The following BBS9 variants were observed in gnomAD, a reference collection of about 807,000 sequenced individuals.
BBS9 encodes the protein Bardet-Biedl syndrome 9.
Under a neutral mutation model 117.7 loss-of-function variants are expected in BBS9, and 89 were observed. The ratio of observed to expected loss-of-function variants is 0.76; its 90% CI spans 0.64 to 0.90. The LOEUF is 0.90. BBS9 is among the 40% of genes least tolerant of loss of function. BBS9 has a pLI of 0.00. For synonymous variants in BBS9, 379 were observed against 370.9 expected, an observed-to-expected ratio of 1.02 and a Z score of -0.25; for missense variants, 982 against 1,042.2, an observed-to-expected ratio of 0.94 and a Z score of 0.80.
At chr7:33,290,691 G>A (rs913509790) in intron 9 of BBS9, among the ~76,000 whole-genome samples, 1 of 152,196 alleles carries the variant, frequency 6.6e-6, no homozygotes, top group African/African-American at 2.4e-5. Context: ...GTAATGCCCA[G>A]GCAGACATAC....
At chr7:33,526,724 G>A (rs898886852) in intron 20 of BBS9, among the ~76,000 whole-genome samples, 8 of 149,294 alleles carry the variant, frequency 5.4e-5, no homozygotes, top group African/African-American at 9.9e-5. Context: ...TAATTTGATC[G>A]TCTGAAGCCT....
chr7:33,152,597 T>C (rs1200812563), intron 2 of BBS9, 104 bp from the exon 3 acceptor site: 2 of 1,145,598 alleles, frequency 1.7e-6, no homozygotes, highest in Non-Finnish European at 2.5e-6. Flanking sequence ...ACTGAATTCT[T>C]TTAATTTTTA....
chr7:33,208,963 A>C (rs1029423264), intron 5 of BBS9, among the ~76,000 whole-genome samples: 1 of 151,820 alleles, frequency 6.6e-6, no homozygotes, highest in Non-Finnish European at 1.5e-5. Context: ...ATCCAATTAG[A>C]CTCTTTTAGT....
At chr7:33,563,951 G>A (rs1020519) in intron 21 of BBS9, among the ~76,000 whole-genome samples, 34,942 of 152,036 alleles carry the variant, frequency 0.23, 4,516 homozygotes, top group East Asian at 0.42. Context: ...TATTGCTGCC[G>A]ATAAGACCAC....
intron 21 of BBS9, among the ~76,000 whole-genome samples, chr7:33,578,028 GT>G (rs755598012): frequency 6.6e-6 from 1 of 152,164 alleles, no homozygotes; most frequent in Non-Finnish European, 1.5e-5. Context: ...TTGTGCACAT[GT>G]ACCCTAGAAC....
chr7:33,379,952 A>G lies in BBS9; in HGVS notation c.1790-3714A>G, dbSNP rs572112052. 7 of 152,524 alleles carry G rather than the reference A, an allele frequency of 4.6e-5. No individual in the cohort carries two copies. The South Asian group carries it at 8.3e-4, about 18-fold the overall frequency. 9.4% of individuals were successfully genotyped at this position (152,524 alleles called of 1,614,324 possible). ...TGGCAGGTATTCCTGCAGGATCTCC[A>G]TAGGAATTCACAAGAAGGGCTCTGA... On this transcript the variant is annotated intron_variant, in intron 17 of 22. Transcript: ENST00000242067.
At chr7:33,627,383 C>CT (rs1179452336) in intron 21 of BBS9, among the ~76,000 whole-genome samples, 2 of 152,190 alleles carry the variant, frequency 1.3e-5, no homozygotes, top group African/African-American at 2.4e-5. Context: ...GGGCAGAGCC[C>CT]TTATGGAGAA....
rs548289269 is a variant in BBS9, at chr7:33,163,586, C to A, written c.328+7884C>A. On this transcript the variant is annotated intron_variant, in intron 4 of 22. Coordinates refer to ENST00000242067, the MANE Select transcript of BBS9 (RefSeq NM_198428.3). Reference sequence around the variant, plus strand: ...GGGTGTATGTGTCCAGGAATTTATCCATTTCTTCTAGATTTTCTAGTTTTT... The same window carrying A: ...GGGTGTATGTGTCCAGGAATTTATCAATTTCTTCTAGATTTTCTAGTTTTT... Among the ~76,000 whole-genome samples, 8 of 152,274 alleles carry A rather than the reference C, an allele frequency of 5.3e-5. No individual in the cohort carries two copies. In the South Asian group the frequency reaches 1.7e-3, roughly 32 times the overall value.
intron 21 of BBS9, among the ~76,000 whole-genome samples, chr7:33,575,327 G>A (rs917109025): frequency 1.3e-5 from 2 of 151,814 alleles, no homozygotes; most frequent in East Asian, 3.9e-4. Flanking sequence ...TGTCCTCTTG[G>A]TACACATACA....
At chr7:33,323,196 T>C (rs948959424) in intron 9 of BBS9, among the ~76,000 whole-genome samples, 1 of 152,130 alleles carries the variant, frequency 6.6e-6, no homozygotes, top group African/African-American at 2.4e-5. Flanking sequence ...CTGAAGAAAA[T>C]GTGTATTCTG....
chr7:33,390,602 T>TG, intron 19 of BBS9: 2 of 971,082 alleles, frequency 2.1e-6, no homozygotes, highest in Non-Finnish European at 2.4e-6. Flanking sequence ...GGTGAGGTGT[T>TG]GATTGTTCAA....
chr7:33,485,354 G>C (rs6966543), intron 19 of BBS9, among the ~76,000 whole-genome samples: 14,243 of 143,258 alleles, frequency 0.099, 1,060 homozygotes, highest in African/African-American at 0.22. Flanking sequence ...CTGTTGCCCA[G>C]GCTGGAGTGC....
intron 12 of BBS9, among the ~76,000 whole-genome samples, chr7:33,347,956 C>T (rs192956918): frequency 4.0e-5 from 6 of 151,854 alleles, no homozygotes; most frequent in East Asian, 1.9e-4. Context: ...TCATGACATA[C>T]GAGTCACCAT....
intron 9 of BBS9, among the ~76,000 whole-genome samples, chr7:33,292,030 A>C (rs1470460377): frequency 6.6e-6 from 1 of 152,050 alleles, no homozygotes; most frequent in Non-Finnish European, 1.5e-5. Context: ...CAGTTTCTTC[A>C]TGCTTGGCAA....
In BBS9 at chr7:33,540,803, C is replaced by T. The variant is rs75363563; in HGVS notation, c.2521+6627C>T. 4.9e-4 allele frequency among the ~76,000 whole-genome samples: 75 copies of T among 152,270 alleles called. No individual in the cohort carries two copies. In the East Asian group the frequency reaches 0.013, roughly 26 times the overall value. Reference sequence around the variant, plus strand: ...TCCTTTGCAGGACTGCAGAAATGTGCGCAGCTGTTTTTTGGATTCTCTCCC... The same window carrying T: ...TCCTTTGCAGGACTGCAGAAATGTGTGCAGCTGTTTTTTGGATTCTCTCCC... On this transcript the variant is annotated intron_variant, in intron 21 of 22. Coordinates refer to ENST00000242067, the MANE Select transcript of BBS9 (RefSeq NM_198428.3).
In BBS9 at chr7:33,632,712, G is replaced by C. The variant is rs115179446; in HGVS notation, c.2522-2465G>C. ...CCTCCCGCCAGTCTCCGCAGTAAAG[G>C]AAGACAATGACTAGGGGCCTCCGTG... On this transcript the variant is annotated intron_variant, in intron 21 of 21. Transcript: ENST00000671952. Among the ~76,000 whole-genome samples, 1,245 of 152,226 alleles carry C rather than the reference G, an allele frequency of 8.2e-3. 22 individuals carry two copies. Among genetic ancestry groups the C allele is most frequent in the African/African-American group, 0.029 (1,185 of 41,538 alleles).
intron 17 of BBS9, among the ~76,000 whole-genome samples, chr7:33,371,729 G>GA (rs1377644260): frequency 7.9e-5 from 12 of 151,564 alleles, no homozygotes; most frequent in Non-Finnish European, 1.3e-4. Flanking sequence ...GTATAAATCT[G>GA]AAAAAAAATA....
intron 9 of BBS9, among the ~76,000 whole-genome samples, chr7:33,326,279 C>T (rs1158335718): frequency 6.9e-6 from 1 of 144,504 alleles, no homozygotes; most frequent in Non-Finnish European, 1.5e-5. Context: ...CCTATTACTA[C>T]CACCTCTAGG....
chr7:33,216,969 C>T (rs1562814955), intron 5 of BBS9, among the ~76,000 whole-genome samples: 2 of 152,070 alleles, frequency 1.3e-5, no homozygotes, highest in Non-Finnish European at 2.9e-5. Flanking sequence ...GTGGCGCACA[C>T]CTGTAATCCC....
Sources: allele counts gnomAD v4.1 joint callset (sites outside exome capture counted in the v4.1 genomes callset), GRCh38; gene constraint gnomAD v4.1.1; transcripts MANE v1.5; gene names NCBI Gene and HGNC (gene_info 2026-07-23, HGNC 2026-07-21).